ZNF354A: variants seen among roughly 807,000 people sequenced by gnomAD.
ZNF354A encodes the protein epididymis luminal protein 104.
In ZNF354A, 25 loss-of-function variants were observed where a neutral mutation model predicts 53.3. The ratio of observed to expected loss-of-function variants is 0.47; its 90% CI spans 0.34 to 0.66. The LOEUF (loss-of-function observed/expected upper bound fraction) is 0.66, where lower values mean the gene tolerates loss of function less well. ZNF354A is among the 30% of genes least tolerant of loss of function. The pLI is 0.01. For synonymous variants in ZNF354A, 228 were observed against 249.0 expected (o/e 0.92, Z 0.79); for missense variants, 586 against 716.8 (o/e 0.82, Z 2.08).
chr5:178,727,622 A>C (rs1195272416), intron 2 of ZNF354A, among the ~76,000 whole-genome samples: 1 of 152,236 alleles, frequency 6.6e-6, no homozygotes, highest in East Asian at 1.9e-4. Flanking sequence ...TAATGACGAA[A>C]AGTAAAATAG....
chr5:178,717,077 C>CAAAAAAAAA (rs5873633), intron 4 of ZNF354A, among the ~76,000 whole-genome samples: 2 of 65,488 alleles, frequency 3.1e-5, no homozygotes, highest in Non-Finnish European at 5.7e-5. Context: ...GACTCCATCT[C>CAAAAAAAAA]AAAAAAAAAA....
At chr5:178,726,822 C>T (rs919199075) in intron 3 of ZNF354A, among the ~76,000 whole-genome samples, 177 bp downstream of exon 3, 3 of 152,172 alleles carry the variant, frequency 2.0e-5, no homozygotes, top group Non-Finnish European at 2.9e-5. Context: ...AGACACAGGG[C>T]AATTTCATGC....
chr5:178,726,120 G>A (rs1765901581), intron 3 of ZNF354A: 2 of 452,978 alleles, frequency 4.4e-6, no homozygotes, highest in Middle Eastern at 3.3e-4. Context: ...GGGATTACAG[G>A]TGTGAGCCAC....
chr5:178,713,393 G>A lies in ZNF354A; in HGVS notation c.485C>T (p.Thr162Ile), dbSNP rs1273865844. Residue 162 changes from threonine to isoleucine, a missense_variant, in exon 5 of 5, where the codon ACT (threonine) becomes ATT (isoleucine). This residue lies in a region of ZNF354A where 573 missense variants were observed against 680.1 expected (regional missense o/e 0.84). Transcript: ENST00000335815. ...TGGGCTGAAGTTTTGGCTCAATTCA[G>A]TATTTTTATGGCTTCTTTCTATAGT... is the stretch of plus-strand genomic sequence containing the variant. ...IPTIERSHKN[T>I]ELSQNFSPKS... The A allele has an allele frequency of 1.9e-6, 3 of 1,613,824 alleles. No homozygotes were observed. The East Asian group carries it at 6.7e-5, about 36-fold the overall frequency.
chr5:178,721,571 C>T (rs1352721174), intron 4 of ZNF354A, among the ~76,000 whole-genome samples: 1 of 152,218 alleles, frequency 6.6e-6, no homozygotes, highest in Non-Finnish European at 1.5e-5. Flanking sequence ...CTTATTCTCA[C>T]ATTCTGGAGA....
rs780613577 is a variant in ZNF354A, at chr5:178,727,086, G to A, written c.73C>T (p.Arg25Ter). 8 of 1,613,900 alleles carry A rather than the reference G, an allele frequency of 5.0e-6. No homozygotes were observed. In the Admixed American group the frequency reaches 6.7e-5, roughly 13 times the overall value. ...TFEDVAVLFT[R>*]DEWRKLAPSQ... is the part of the protein sequence containing the mutation. ...GGGGCCAGCTTTCTCCACTCATCTC[G>A]GGTAAACAGCACAGCCACATCCTCA... Residue 25 changes from arginine to a stop codon, truncating the protein, a stop_gained, in exon 3 of 5, where the codon CGA becomes TGA. Coordinates refer to ENST00000335815, the MANE Select transcript of ZNF354A (RefSeq NM_005649.3). LOFTEE classifies it high-confidence loss of function.
At chr5:178,725,262 T>C (rs548408566) in intron 4 of ZNF354A, 114 bp downstream of exon 4, 142 of 1,006,806 alleles carry the variant, frequency 1.4e-4, no homozygotes, top group African/African-American at 7.8e-4. Context: ...CGCTTCCCCA[T>C]CACTTCTTGA....
intron 3 of ZNF354A, among the ~76,000 whole-genome samples, chr5:178,726,498 C>T (rs534625734): frequency 6.6e-6 from 1 of 152,070 alleles, no homozygotes; most frequent in South Asian, 2.1e-4. Context: ...GACAGGCTTT[C>T]ACCACGTTAG....
chr5:178,715,481 G>A (rs1423009725), intron 4 of ZNF354A, among the ~76,000 whole-genome samples: 2 of 152,002 alleles, frequency 1.3e-5, no homozygotes, highest in African/African-American at 4.8e-5. Context: ...GGAAAGCAGA[G>A]TTTCTTAACT....
chr5:178,730,074 T>C (rs973765953), intron 1 of ZNF354A, among the ~76,000 whole-genome samples: 26 of 151,298 alleles, frequency 1.7e-4, no homozygotes, highest in Middle Eastern at 3.5e-3. Context: ...ACCGTGTTAG[T>C]CAGGATGGTC....
chr5:178,726,127 C>T, intron 3 of ZNF354A: 1 of 453,502 alleles, frequency 2.2e-6, no homozygotes, highest in Non-Finnish European at 4.4e-6. Flanking sequence ...CAGGTGTGAG[C>T]CACCGCGCCC....
intron 4 of ZNF354A, among the ~76,000 whole-genome samples, chr5:178,724,455 C>T (rs1765868385): frequency 1.3e-5 from 2 of 152,096 alleles, no homozygotes; most frequent in African/African-American, 2.4e-5. Flanking sequence ...AAACTCCTGA[C>T]CTCAGGTGAT....
In ZNF354A at chr5:178,713,431, G is replaced by A; in HGVS notation, c.447C>T (p.His149=). ...TTCTTTCTATAGTGGGGATTTTTTT[G>A]TGGGTGGCTGAAACTATCTGAAAAC... ...KGSFQIVSAT[H]KKIPTIERSH... is the part of the protein sequence containing the mutation. Residue 149 remains histidine, a synonymous_variant, in exon 5 of 5, where the codon CAC becomes CAT. Transcript: ENST00000335815. 4 of 1,612,920 alleles carry A rather than the reference G, an allele frequency of 2.5e-6. No individual in the cohort carries two copies. Among genetic ancestry groups the A allele is most frequent in the Non-Finnish European group, 3.4e-6 (4 of 1,179,764 alleles).
In ZNF354A at chr5:178,717,627, G is replaced by T. The variant is rs571300029; in HGVS notation, c.257-4006C>A. 2.0e-5 allele frequency among the ~76,000 whole-genome samples: 3 copies of T among 152,140 alleles called. No individual in the cohort carries two copies. The South Asian group carries it at 6.2e-4, about 32-fold the overall frequency. The stretch of plus-strand genomic sequence containing the variant: ...GTTGCAGGAAGATACTGAAATACTA[G>T]ATTGTATTTATTATTCTGGAGATCT... On this transcript the variant is annotated intron_variant, in intron 4 of 4. Coordinates refer to ENST00000335815, the MANE Select transcript of ZNF354A (RefSeq NM_005649.3).
chr5:178,718,557 T>A (rs1367224028), intron 4 of ZNF354A, among the ~76,000 whole-genome samples: 2 of 152,216 alleles, frequency 1.3e-5, no homozygotes, highest in East Asian at 3.8e-4. Flanking sequence ...AATTTCCACT[T>A]GTGTATCTTT....
intron 2 of ZNF354A, among the ~76,000 whole-genome samples, chr5:178,727,494 A>C (rs550569872): frequency 6.6e-5 from 10 of 152,352 alleles, no homozygotes; most frequent in African/African-American, 2.4e-4. Flanking sequence ...AGTACACACA[A>C]ACATATTCAT....
At chr5:178,717,343 T>C (rs1765734987) in intron 4 of ZNF354A, among the ~76,000 whole-genome samples, 1 of 151,984 alleles carries the variant, frequency 6.6e-6, no homozygotes, top group Non-Finnish European at 1.5e-5. Context: ...CAGATGACTA[T>C]GCCAGGCTGT....
rs754022802 is a variant in ZNF354A, at chr5:178,713,629, GA to G, written c.257-9del. On this transcript the variant is annotated splice_polypyrimidine_tract_variant and intron_variant, in intron 4 of 4. Transcript: ENST00000335815. ...TATGACTGCTCTTCGATCCTGGAGG[GA>G]AAAAAAAAATCAAAAATGTTTCATG... 702 of 1,431,878 alleles carry G rather than the reference GA, an allele frequency of 4.9e-4. No homozygotes were observed. Among genetic ancestry groups the G allele is most frequent in the South Asian group, 1.9e-3 (129 of 66,748 alleles). The allele number at this position is 1,431,878 out of a possible 1,614,324, so 88.7% of individuals were successfully genotyped here.
At chr5:178,724,887 T>C (rs1765876449) in intron 4 of ZNF354A, among the ~76,000 whole-genome samples, 1 of 152,242 alleles carries the variant, frequency 6.6e-6, no homozygotes. Context: ...CTTACACGGA[T>C]GGAGACTCAG....
Sources: allele counts gnomAD v4.1 joint callset (sites outside exome capture counted in the v4.1 genomes callset), GRCh38; gene constraint gnomAD v4.1.1; regional missense constraint gnomAD v4.1.1; transcripts MANE v1.5; gene names NCBI Gene and HGNC (gene_info 2026-07-23, HGNC 2026-07-21).